The following TPP2 variants were observed in gnomAD, a reference collection of about 807,000 sequenced individuals.
The protein encoded by TPP2 is tripeptidyl-peptidase 2.
A neutral mutation model predicts 155.9 loss-of-function variants in TPP2; 34 were observed. That is an observed-to-expected ratio of 0.22 (90% confidence interval 0.17 to 0.29). The LOEUF (loss-of-function observed/expected upper bound fraction) is 0.29, where lower values mean the gene tolerates loss of function less well. Among genes scored for constraint, TPP2 ranks in the 10% least tolerant of loss-of-function variants. The pLI is 1.00. For missense variants in TPP2, 1,028 were observed against 1,522.3 expected, an observed-to-expected ratio of 0.68 and a Z score of 5.40; for synonymous variants, 510 against 529.4, an observed-to-expected ratio of 0.96 and a Z score of 0.50.
intron 24 of TPP2, chr13:102,654,980 GTT>G (rs747531160): frequency 2.0e-6 from 1 of 507,954 alleles, no homozygotes; most frequent in African/African-American, 1.9e-5. Flanking sequence ...CAATAGACCT[GTT>G]TCCTTTTCCC....
chr13:102,665,457 T>C (rs1228652312), intron 27 of TPP2, among the ~76,000 whole-genome samples: 1 of 152,188 alleles, frequency 6.6e-6, no homozygotes, highest in African/African-American at 2.4e-5. Context: ...TAGTTTTGCC[T>C]TTATAAAACC....
intron 2 of TPP2, among the ~76,000 whole-genome samples, chr13:102,613,027 G>A (rs950770305): frequency 6.6e-5 from 10 of 152,250 alleles, no homozygotes; most frequent in Admixed American, 3.9e-4. Flanking sequence ...TTGTTTTGCC[G>A]TGGGCTGTTG....
intron 4 of TPP2, among the ~76,000 whole-genome samples, chr13:102,617,515 G>A (rs1245980579): frequency 2.0e-5 from 3 of 152,146 alleles, no homozygotes; most frequent in African/African-American, 4.8e-5. Context: ...TGTGATTTGC[G>A]TGAAATTTAG....
chr13:102,676,352 T>C lies in TPP2; in HGVS notation c.3636T>C (p.Leu1212=). The change falls in exon 29 of 30, where the codon CTT becomes CTC. Residue 1212 remains leucine, a synonymous_variant. Transcript: ENST00000376052. ...TAAATAAAATGTATGGGAGAGGCCT[T>C]AAATTTGCAACTAAACTTGTGGAAG... is the stretch of plus-strand genomic sequence containing the variant. ...ALVNKMYGRG[L]KFATKLVEEK... is the part of the protein sequence containing the mutation. 1.9e-6 allele frequency: 3 copies of C among 1,611,060 alleles called. No homozygotes were observed. The highest frequency in any genetic ancestry group is 2.5e-6 in the Non-Finnish European group (3 of 1,177,900).
intron 6 of TPP2, among the ~76,000 whole-genome samples, chr13:102,623,850 A>G (rs1443262078): frequency 2.0e-5 from 3 of 152,212 alleles, no homozygotes; most frequent in Non-Finnish European, 1.5e-5. Context: ...ACAAAATGAC[A>G]TAGTGTTTGT....
chr13:102,645,069 A>C, intron 19 of TPP2, 60 bp downstream of exon 19: 1 of 1,487,158 alleles, frequency 6.7e-7, no homozygotes, highest in Non-Finnish European at 9.1e-7. Context: ...GATCTCTTAC[A>C]CTCTTAAAAA....
At chr13:102,664,688 T>C in intron 26 of TPP2, 107 bp from the exon 27 acceptor site, 1 of 1,130,588 alleles carries the variant, frequency 8.8e-7, no homozygotes, top group Non-Finnish European at 1.2e-6. Context: ...TTACATAGTT[T>C]ACTCACACTG....
At chr13:102,648,264 C>T (rs778688344) in intron 21 of TPP2, among the ~76,000 whole-genome samples, 1 of 152,080 alleles carries the variant, frequency 6.6e-6, no homozygotes, top group Non-Finnish European at 1.5e-5. Flanking sequence ...CCTGTGATCC[C>T]GTCTACTCAG....
rs761216414 is a variant in TPP2, at chr13:102,635,688, C to A, written c.1495C>A (p.His499Asn). Residue 499 changes from histidine (H) to asparagine (N), a missense_variant, in exon 12 of 30, where the codon CAT (histidine) becomes AAT (asparagine). Around this residue, in one of 7 missense-constraint regions of TPP2, gnomAD observed 325 missense variants for 463.7 expected, o/e 0.70. Transcript: ENST00000376052. ...CAATATAGAAGTATTTGCTCAAGGA[C>A]ATGGTATTATTCAGGTATTGTTGCC... ...ADNIEVFAQG[H>N]GIIQVDKAYD... 1.6e-5 allele frequency: 26 copies of A among 1,612,118 alleles called. No individual in the cohort carries two copies. In the South Asian group the frequency reaches 2.7e-4, roughly 17 times the overall value.
intron 2 of TPP2, among the ~76,000 whole-genome samples, chr13:102,609,163 A>T (rs1380923610): frequency 6.6e-6 from 1 of 152,156 alleles, no homozygotes. Context: ...TTTATGTCTC[A>T]TCCTTTTTGT....
Position 102,632,388 on chromosome 13 carries a change from C to A in TPP2, c.1245-1562C>A, listed in dbSNP as rs1392756566. ...TCCCAAGTAGCTGGAATTACAGGCG[C>A]TCACCACCACACCGGGTTAATTTTT... is the stretch of plus-strand genomic sequence containing the variant. On this transcript the variant is annotated intron_variant, in intron 10 of 29. Coordinates refer to ENST00000376052, the MANE Select transcript of TPP2 (RefSeq NM_001330588.2). Among the ~76,000 whole-genome samples, 3 of 151,944 alleles carry A rather than the reference C, an allele frequency of 2.0e-5. No homozygotes were observed. The East Asian group carries it at 5.8e-4, about 30-fold the overall frequency.
At chr13:102,667,795 T>TGGGCAGCCAGGATCCATC (rs1884703333) in intron 27 of TPP2, 1 of 985,366 alleles carries the variant, frequency 1.0e-6, no homozygotes, top group Admixed American at 6.1e-5. Flanking sequence ...AGCCCTTCTC[T>TGGGCAGCCAGGATCCATC]GGGCAGCCAG....
intron 10 of TPP2, among the ~76,000 whole-genome samples, chr13:102,633,174 G>A (rs1013789640): frequency 3.9e-5 from 6 of 152,170 alleles, no homozygotes; most frequent in African/African-American, 1.2e-4. Flanking sequence ...TTGGGGCAGA[G>A]GACAGAGCTT....
At chr13:102,605,052 C>T in intron 2 of TPP2, 131 bp downstream of exon 2, 1 of 1,382,916 alleles carries the variant, frequency 7.2e-7, no homozygotes, top group Non-Finnish European at 9.9e-7. Flanking sequence ...TCAGAACATC[C>T]TGGTTTAAAA....
At chr13:102,607,766 T>G (rs993247268) in intron 2 of TPP2, 2 of 347,622 alleles carry the variant, frequency 5.8e-6, no homozygotes, top group Admixed American at 3.2e-5. Context: ...TTTTTGTGTG[T>G]TTTTAGTAGA....
chr13:102,629,395 G>A, intron 8 of TPP2, 87 bp from the exon 9 acceptor site: 1 of 1,357,440 alleles, frequency 7.4e-7, no homozygotes, highest in Non-Finnish European at 9.5e-7. Flanking sequence ...AATTTATGTA[G>A]CCATATATTT....
At chr13:102,609,389 A>G (rs1260293829) in intron 2 of TPP2, among the ~76,000 whole-genome samples, 1 of 110,480 alleles carries the variant, frequency 9.1e-6, no homozygotes, top group Non-Finnish European at 1.8e-5. Context: ...GAGAAGTGCC[A>G]TGCTTTTTTT....
chr13:102,640,641 A>ATTTTTT lies in TPP2; in HGVS notation c.2020+288_2020+293dup, dbSNP rs5806315. Among the ~76,000 whole-genome samples, 23 of 84,234 alleles carry ATTTTTT rather than the reference A, an allele frequency of 2.7e-4. 3 individuals carry two copies. The highest frequency in any genetic ancestry group is 8.4e-4 in the African/African-American group (15 of 17,934). 55.3% of individuals were successfully genotyped at this position (84,234 alleles called of 152,430 possible). A position where few individuals can be genotyped will look rare whatever the true frequency, so the allele number is the denominator to read the frequency against. ...TAGAATAATGCCTTACCTGGTAATA[A>ATTTTTT]TTTTTTTTTTTTTTTTTTTTTTTTT... is the stretch of plus-strand genomic sequence containing the variant. On this transcript the variant is annotated intron_variant, in intron 16 of 29. Coordinates refer to ENST00000376052, the MANE Select transcript of TPP2 (RefSeq NM_001330588.2).
In TPP2 at chr13:102,627,916, A is replaced by G. The variant is rs1250611392; in HGVS notation, c.1008A>G (p.Pro336=). ...GTTACGGAGAAGCAACTCACTGGCC[A>G]AATTCTGGGTGAGTGTTCCTTGACA... ...NYSYGEATHW[P]NSGRICEVIN... is the part of the protein sequence containing the mutation. Residue 336 remains proline (P), a synonymous_variant, in exon 8 of 30, where the codon CCA becomes CCG. Transcript: ENST00000376052. 1.9e-6 allele frequency: 3 copies of G among 1,612,724 alleles called. No individual in the cohort carries two copies. Among genetic ancestry groups the G allele is most frequent in the Non-Finnish European group, 2.5e-6 (3 of 1,179,362 alleles).
Sources: gnomAD v4.1 joint callset for allele counts (sites outside exome capture counted in the v4.1 genomes callset) on GRCh38, gnomAD v4.1.1 for gene constraint, gnomAD v4.1.1 regional missense constraint, MANE v1.5 for transcripts, NCBI Gene and HGNC (gene_info 2026-07-23, HGNC 2026-07-21) for gene names.